Variants in SATL1 observed in about 807,000 individuals in gnomAD.
SATL1 encodes spermidine/spermine N(1)-acetyltransferase-like protein 1.
Under a neutral mutation model 51.8 loss-of-function variants are expected in SATL1, and 47 were observed. The ratio of observed to expected loss-of-function variants is 0.91; its 90% confidence interval spans 0.72 to 1.16. The LOEUF is 1.16. SATL1 is among the 50% of genes most tolerant of loss of function. The probability of loss-of-function intolerance (pLI) is 0.00; values close to 1 mark genes in which losing one functional copy is unlikely to be tolerated. For missense variants in SATL1, 520 were observed against 526.4 expected (o/e 0.99, Z 0.12); for synonymous variants, 176 against 182.4 (o/e 0.97, Z 0.28).
chrX:85,197,550 G>C (rs1204193230), intron 2 of SATL1, among the ~76,000 whole-genome samples: 1 of 108,583 alleles, frequency 9.2e-6, no homozygotes, highest in Non-Finnish European at 1.9e-5. Context: ...ACAATGTGCA[G>C]GTTAGTTACA....
At chrX:85,163,329 C>T (rs11092581) in intron 2 of SATL1, among the ~76,000 whole-genome samples, 13,978 of 110,145 alleles carry the variant, frequency 0.13, 2,104 homozygotes, top group African/African-American at 0.42. Flanking sequence ...ATTCTTGTTT[C>T]CCTAATTCCT....
chrX:85,132,098 A>C (rs1241896449), intron 2 of SATL1, among the ~76,000 whole-genome samples: 3 of 110,502 alleles, frequency 2.7e-5, no homozygotes, highest in Non-Finnish European at 3.8e-5. Context: ...CCTTCATTTC[A>C]ACCTTGGTGT....
At chrX:85,198,123 T>C (rs983461625) in intron 2 of SATL1, among the ~76,000 whole-genome samples, 13 of 111,613 alleles carry the variant, frequency 1.2e-4, no homozygotes, top group African/African-American at 2.9e-4. Context: ...CTTAACATAA[T>C]GTCCTCCGGT....
intron 2 of SATL1, among the ~76,000 whole-genome samples, chrX:85,214,161 G>C (rs1398685817): frequency 8.9e-6 from 1 of 111,896 alleles, no homozygotes; most frequent in East Asian, 2.8e-4. Flanking sequence ...AAAATGAAAA[G>C]TTTATTTGTC....
At chrX:85,151,322 C>T (rs1926430291) in intron 2 of SATL1, among the ~76,000 whole-genome samples, 1 of 111,162 alleles carries the variant, frequency 9.0e-6, no homozygotes, top group Non-Finnish European at 1.9e-5. Flanking sequence ...AAAAAGGATA[C>T]AAACAAATGG....
At chrX:85,227,250 A>T (rs1213420678) in intron 1 of SATL1, among the ~76,000 whole-genome samples, 1 of 111,474 alleles carries the variant, frequency 9.0e-6, no homozygotes, top group Non-Finnish European at 1.9e-5. Context: ...TCTCTTCCTA[A>T]AATCTCTAAT....
intron 1 of SATL1, among the ~76,000 whole-genome samples, chrX:85,238,513 A>C (rs2147768663): frequency 9.0e-6 from 1 of 111,429 alleles, no homozygotes; most frequent in African/African-American, 3.3e-5. Flanking sequence ...AAATTAAAAC[A>C]ATTGAACTCA....
At chrX:85,170,731 C>A (rs1400363908) in intron 2 of SATL1, among the ~76,000 whole-genome samples, 1 of 111,364 alleles carries the variant, frequency 9.0e-6, no homozygotes, top group African/African-American at 3.2e-5. Context: ...AAATGAAATG[C>A]AAATGCGCTT....
rs749264468 is a variant in SATL1, at chrX:85,136,640, A to G, written c.-312-27360T>C. ...AGTAAGTTATATATAACCTTGGTGT[A>G]TACAGTTTCAATTTCAGTGGCCTGA... On this transcript the variant is annotated intron_variant, in intron 2 of 7. Coordinates refer to ENST00000644105, the MANE Select transcript of SATL1 (RefSeq NM_001367857.2). Among the ~76,000 whole-genome samples, 164 of 111,848 alleles carry G rather than the reference A, an allele frequency of 1.5e-3. 1 individual carries two copies. The highest frequency in any genetic ancestry group is 2.7e-3 in the Non-Finnish European group (144 of 53,175).
chrX:85,101,811 A>G (rs1924899447), intron 4 of SATL1, among the ~76,000 whole-genome samples: 1 of 111,316 alleles, frequency 9.0e-6, no homozygotes, highest in Non-Finnish European at 1.9e-5. Flanking sequence ...CTCACATTAT[A>G]TATATACACA....
At chrX:85,127,915 G>A (rs1925668410) in intron 2 of SATL1, among the ~76,000 whole-genome samples, 1 of 110,888 alleles carries the variant, frequency 9.0e-6, no homozygotes, top group African/African-American at 3.3e-5. Flanking sequence ...CTGTCCTTGT[G>A]ATAATCTGCT....
intron 2 of SATL1, among the ~76,000 whole-genome samples, chrX:85,203,464 G>C (rs1420333912): frequency 1.8e-5 from 2 of 111,236 alleles, no homozygotes; most frequent in African/African-American, 6.5e-5. Flanking sequence ...AGGCTGGAAT[G>C]GCTAAGTCAT....
intron 2 of SATL1, chrX:85,207,346 T>C (rs1423731461): frequency 3.6e-5 from 4 of 111,466 alleles, no homozygotes; most frequent in African/African-American, 6.5e-5. Flanking sequence ...CTCCTTTGCC[T>C]GTTACTTCAA....
intron 4 of SATL1, among the ~76,000 whole-genome samples, chrX:85,102,268 G>GT (rs1278005110): frequency 1.0e-5 from 1 of 100,038 alleles, no homozygotes; most frequent in East Asian, 3.1e-4. Context: ...GGAGTGTGAT[G>GT]TTCCCCTTCC....
At chrX:85,242,768 T>C (rs1928652460) in intron 1 of SATL1, among the ~76,000 whole-genome samples, 1 of 111,649 alleles carries the variant, frequency 9.0e-6, no homozygotes, top group Admixed American at 9.5e-5. Context: ...AATTTACCAA[T>C]CTCTTATCTA....
intron 2 of SATL1, among the ~76,000 whole-genome samples, chrX:85,184,099 G>A (rs763781179): frequency 9.0e-6 from 1 of 111,494 alleles, no homozygotes; most frequent in South Asian, 3.8e-4. Flanking sequence ...CATCTATATT[G>A]TTGCAGATGA....
intron 6 of SATL1, 174 bp from the exon 7 acceptor site, chrX:85,093,399 C>G: frequency 2.3e-6 from 1 of 443,086 alleles, no homozygotes; most frequent in South Asian, 4.7e-5. Flanking sequence ...ATTGGAATGA[C>G]GTACCAAAGG....
chrX:85,234,744 C>T (rs747085613), intron 1 of SATL1, among the ~76,000 whole-genome samples: 159 of 110,894 alleles, frequency 1.4e-3, no homozygotes, highest in Non-Finnish European at 2.6e-3. Flanking sequence ...CTAAATCATG[C>T]TACCACAGGC....
intron 3 of SATL1, among the ~76,000 whole-genome samples, chrX:85,105,069 C>A (rs2043728102): frequency 9.0e-6 from 1 of 111,510 alleles, no homozygotes; most frequent in Non-Finnish European, 1.9e-5. Context: ...CCCCTCATTA[C>A]TCTTCTTTTT....
Sources: allele counts gnomAD v4.1 joint callset (sites outside exome capture counted in the v4.1 genomes callset), GRCh38; gene constraint gnomAD v4.1.1; transcripts MANE v1.5; gene names NCBI Gene and HGNC (gene_info 2026-07-23, HGNC 2026-07-21).